Variants in DPYD observed in about 807,000 individuals in gnomAD.
DPYD encodes the protein dihydropyrimidine dehydrogenase [NADP(+)].
A neutral mutation model predicts 116.2 loss-of-function variants in DPYD; 109 were observed. The observed-to-expected ratio is 0.94, with a 90% CI of 0.80 to 1.10. DPYD has a LOEUF of 1.10. DPYD is among the 50% of genes least tolerant of loss of function. The pLI, the probability that DPYD is intolerant of heterozygous loss-of-function variation, is 0.00. For missense variants in DPYD, 1,302 were observed against 1,254.5 expected, an observed-to-expected ratio of 1.04 and a Z score of -0.57; for synonymous variants, 440 against 432.0, an observed-to-expected ratio of 1.02 and a Z score of -0.23.
chr1:97,569,162 A>G (rs1405651680), intron 11 of DPYD, among the ~76,000 whole-genome samples: 2 of 151,982 alleles, frequency 1.3e-5, no homozygotes, highest in Non-Finnish European at 2.9e-5. Context: ...CAGTGAGATT[A>G]GTGAAAGGGT....
chr1:97,411,246 A>G (rs1391191052), intron 14 of DPYD, among the ~76,000 whole-genome samples: 1 of 152,164 alleles, frequency 6.6e-6, no homozygotes, highest in East Asian at 1.9e-4. Flanking sequence ...TTCAATGCCC[A>G]TCTCTGAGCT....
At chr1:97,889,746 A>G (rs1672686056) in intron 1 of DPYD, among the ~76,000 whole-genome samples, 1 of 152,016 alleles carries the variant, frequency 6.6e-6, no homozygotes, top group Non-Finnish European at 1.5e-5. Context: ...TAACAACTAT[A>G]AATCAACAAG....
At chr1:97,193,026 A>T in intron 20 of DPYD, 43 bp downstream of exon 20, 1 of 1,604,890 alleles carries the variant, frequency 6.2e-7, no homozygotes, top group Admixed American at 1.7e-5. Flanking sequence ...ATAGAAACCA[A>T]GGCTGAGTTC....
chr1:97,191,781 A>G (rs1658389980), intron 20 of DPYD, among the ~76,000 whole-genome samples: 1 of 152,168 alleles, frequency 6.6e-6, no homozygotes, highest in Non-Finnish European at 1.5e-5. Context: ...ATTTACATCG[A>G]ATGATTGTAA....
intron 20 of DPYD, among the ~76,000 whole-genome samples, chr1:97,131,426 T>G (rs551414035): frequency 6.6e-6 from 1 of 152,180 alleles, no homozygotes; most frequent in South Asian, 2.1e-4. Context: ...CTTTGCTAGA[T>G]AGCAGTCACA....
intron 18 of DPYD, among the ~76,000 whole-genome samples, chr1:97,291,157 G>C (rs910648345): frequency 2.0e-5 from 3 of 152,022 alleles, no homozygotes; most frequent in African/African-American, 7.2e-5. Flanking sequence ...ACACCAGTTA[G>C]AATGGCAATC....
intron 3 of DPYD, among the ~76,000 whole-genome samples, chr1:97,760,456 G>A (rs1227351647): frequency 6.6e-6 from 1 of 151,974 alleles, no homozygotes; most frequent in Non-Finnish European, 1.5e-5. Context: ...AAAATAACAT[G>A]AATTTTAAGA....
chr1:97,490,289 C>T (rs1678894562), intron 13 of DPYD, among the ~76,000 whole-genome samples: 1 of 149,148 alleles, frequency 6.7e-6, no homozygotes, highest in East Asian at 1.9e-4. Context: ...ATACCTTCAT[C>T]CTTTATTATT....
chr1:97,740,844 T>C (rs1664226007), intron 3 of DPYD, among the ~76,000 whole-genome samples: 1 of 152,158 alleles, frequency 6.6e-6, no homozygotes, highest in East Asian at 1.9e-4. Context: ...TGTAATTCTT[T>C]TAGACCAAAA....
intron 22 of DPYD, among the ~76,000 whole-genome samples, chr1:97,081,238 T>G (rs770614897): frequency 2.5e-4 from 38 of 152,174 alleles, no homozygotes; most frequent in South Asian, 8.3e-4. Flanking sequence ...GTACACAAAC[T>G]TCTCTTTTTA....
intron 12 of DPYD, among the ~76,000 whole-genome samples, chr1:97,523,997 A>G (rs1648873684): frequency 6.6e-6 from 1 of 152,170 alleles, no homozygotes. Context: ...ATCACAATTT[A>G]ACCATGAATA....
chr1:97,385,349 A>G (rs920677037), intron 14 of DPYD, among the ~76,000 whole-genome samples: 2 of 149,374 alleles, frequency 1.3e-5, no homozygotes, highest in Non-Finnish European at 3.0e-5. Flanking sequence ...CTTATTTGAA[A>G]GGAAAAATCA....
chr1:97,918,491 T>A (rs1674339654), intron 1 of DPYD, among the ~76,000 whole-genome samples: 1 of 152,234 alleles, frequency 6.6e-6, no homozygotes, highest in Non-Finnish European at 1.5e-5. Context: ...AACACATCCT[T>A]TCCTTGCCTA....
intron 5 of DPYD, among the ~76,000 whole-genome samples, chr1:97,702,856 G>A (rs1661680198): frequency 6.6e-6 from 1 of 151,782 alleles, no homozygotes; most frequent in Non-Finnish European, 1.5e-5. Flanking sequence ...AAAAAATTAT[G>A]AGATGCAAAC....
chr1:97,179,631 A>C (rs1218485949), intron 20 of DPYD, among the ~76,000 whole-genome samples: 2 of 152,104 alleles, frequency 1.3e-5, no homozygotes, highest in Non-Finnish European at 2.9e-5. Context: ...GCTTCAGGGC[A>C]CTTCCAGTCT....
chr1:97,152,562 G>A (rs759085690), intron 20 of DPYD, among the ~76,000 whole-genome samples: 19 of 150,114 alleles, frequency 1.3e-4, no homozygotes, highest in South Asian at 4.2e-4. Flanking sequence ...TTAATGTCAC[G>A]TAAAAATACA....
Position 97,110,435 on chromosome 1 carries a change from C to T in DPYD, c.2623-11803G>A, listed in dbSNP as rs546706625. Reference sequence around the variant, plus strand: ...GACTCCACTCATGGACTCCACCTCACGTACCCTGTGATCATCTGAAGGAAT... The same window carrying T: ...GACTCCACTCATGGACTCCACCTCATGTACCCTGTGATCATCTGAAGGAAT... On this transcript the variant is annotated intron_variant, in intron 20 of 22. Coordinates refer to ENST00000370192, the MANE Select transcript of DPYD (RefSeq NM_000110.4). Among the ~76,000 whole-genome samples the T allele has an allele frequency of 2.1e-4, 32 of 152,184 alleles. 1 individual carries two copies. The East Asian group carries it at 5.0e-3, about 24-fold the overall frequency.
chr1:97,105,306 G>T (rs116368485), intron 20 of DPYD, among the ~76,000 whole-genome samples: 2,348 of 152,162 alleles, frequency 0.015, 47 homozygotes, highest in African/African-American at 0.054. Context: ...AAGGAAGTGT[G>T]AAAAGAGAGG....
At chr1:97,763,902 A>T (rs533453304) in intron 3 of DPYD, among the ~76,000 whole-genome samples, 1 of 152,230 alleles carries the variant, frequency 6.6e-6, no homozygotes, top group Non-Finnish European at 1.5e-5. Flanking sequence ...ATTGTGTGTG[A>T]AAACATCCTC....
Sources: gnomAD v4.1 joint callset for allele counts (sites outside exome capture counted in the v4.1 genomes callset) on GRCh38, gnomAD v4.1.1 for gene constraint, MANE v1.5 for transcripts, NCBI Gene and HGNC (gene_info 2026-07-23, HGNC 2026-07-21) for gene names.